GPC5: variants seen among roughly 807,000 people sequenced by gnomAD.
The protein encoded by GPC5 is glypican 5, also known as glypican-5.
In GPC5, 47 loss-of-function variants were observed where a neutral mutation model predicts 53.9. The observed-to-expected ratio is 0.87, with a 90% CI of 0.69 to 1.11. The LOEUF (loss-of-function observed/expected upper bound fraction) is 1.11. Ranked by LOEUF, GPC5 falls within the 50% of genes most tolerant of loss-of-function variation. The pLI is 0.00. For missense variants in GPC5, 748 were observed against 713.1 expected, an observed-to-expected ratio of 1.05 and a Z score of -0.56; for synonymous variants, 286 against 263.3, an observed-to-expected ratio of 1.09 and a Z score of -0.84.
intron 7 of GPC5, among the ~76,000 whole-genome samples, chr13:92,685,087 C>CTATTTATTTATTTATT (rs57486972): frequency 0.028 from 4,193 of 150,590 alleles, 191 homozygotes; most frequent in African/African-American, 0.085. Context: ...TCCAGTAGTT[C>CTATTTATTTATTTATT]TATTTATTTA....
intron 7 of GPC5, among the ~76,000 whole-genome samples, chr13:92,716,133 C>T (rs138705951): frequency 1.7e-4 from 26 of 152,264 alleles, no homozygotes; most frequent in Middle Eastern, 6.8e-3. Context: ...ATCATTCCAT[C>T]TCTATTATAA....
intron 7 of GPC5, among the ~76,000 whole-genome samples, chr13:92,862,242 G>A (rs1490295090): frequency 1.3e-5 from 2 of 151,960 alleles, no homozygotes; most frequent in Non-Finnish European, 2.9e-5. Context: ...TTAGAATAAG[G>A]GGAAATAATT....
intron 7 of GPC5, among the ~76,000 whole-genome samples, chr13:92,779,937 T>C (rs780746032): frequency 2.0e-4 from 30 of 152,124 alleles, no homozygotes; most frequent in Non-Finnish European, 3.2e-4. Flanking sequence ...GGATAATCTA[T>C]TTTGCCAAAG....
chr13:92,741,014 A>C (rs534608161), intron 7 of GPC5, among the ~76,000 whole-genome samples: 1 of 145,164 alleles, frequency 6.9e-6, no homozygotes, highest in South Asian at 2.3e-4. Context: ...GTCTCTACTT[A>C]TTTACATTTC....
At position 91,853,443 on chromosome 13, in the gene GPC5, C is replaced by T. The variant is rs187565730; in HGVS notation, c.1281-54494C>T. Among the ~76,000 whole-genome samples, 448 of 151,952 alleles carry T rather than the reference C, an allele frequency of 2.9e-3. 1 individual carries two copies. The highest frequency in any genetic ancestry group is 4.7e-3 in the Non-Finnish European group (316 of 67,890). Reference sequence around the variant, plus strand: ...ACATCTTAGAAAAGTGATTACTCTGCCCTTATACCAAGACACAATAAGACT... The same window carrying T: ...ACATCTTAGAAAAGTGATTACTCTGTCCTTATACCAAGACACAATAAGACT... On this transcript the variant is annotated intron_variant, in intron 5 of 7. Coordinates refer to ENST00000377067, the MANE Select transcript of GPC5 (RefSeq NM_004466.6).
At chr13:92,579,834 T>TTC (rs150864096) in intron 7 of GPC5, among the ~76,000 whole-genome samples, 35 of 151,000 alleles carry the variant, frequency 2.3e-4, no homozygotes, top group South Asian at 4.2e-4. Flanking sequence ...CCTATAAGGT[T>TTC]TCTCTCTCTC....
chr13:91,624,689 A>G (rs2033953459), intron 2 of GPC5, among the ~76,000 whole-genome samples: 1 of 152,030 alleles, frequency 6.6e-6, no homozygotes, highest in Non-Finnish European at 1.5e-5. Flanking sequence ...ATGTTTTATC[A>G]TAATAAAATA....
intron 7 of GPC5, among the ~76,000 whole-genome samples, chr13:92,849,054 CTTG>C (rs1878705113): frequency 6.6e-6 from 1 of 152,008 alleles, no homozygotes; most frequent in Non-Finnish European, 1.5e-5. Context: ...TTCATAAGAT[CTTG>C]TTGACCCAAG....
rs9561169 is a variant in GPC5 at position 92,824,216 on chromosome 13, T to C, written c.1562-42066T>C. The stretch of plus-strand genomic sequence containing the variant: ...GTCTACACACTGCCCTCATTCCACC[T>C]ACCTAGTCAGTACTAGTCACCCCTG... On this transcript the variant is annotated intron_variant, in intron 7 of 7. Coordinates refer to ENST00000377067, the MANE Select transcript of GPC5 (RefSeq NM_004466.6). 0.025 allele frequency among the ~76,000 whole-genome samples: 3,843 copies of C among 152,146 alleles called. 380 individuals carry two copies. The East Asian group carries it at 0.32, about 13-fold the overall frequency.
chr13:91,660,238 A>G (rs941657165), intron 2 of GPC5, among the ~76,000 whole-genome samples: 7 of 152,118 alleles, frequency 4.6e-5, no homozygotes, highest in African/African-American at 1.4e-4. Flanking sequence ...GACTTCCTGG[A>G]TGGTTTGCTG....
intron 1 of GPC5, among the ~76,000 whole-genome samples, chr13:91,446,788 C>T (rs1280975743): frequency 6.6e-6 from 1 of 152,174 alleles, no homozygotes; most frequent in African/African-American, 2.4e-5. Context: ...TTTCCCTTTT[C>T]ACTGTGACCC....
At chr13:92,256,215 A>G (rs2042724993) in intron 7 of GPC5, among the ~76,000 whole-genome samples, 3 of 151,898 alleles carry the variant, frequency 2.0e-5, no homozygotes, top group Admixed American at 1.3e-4. Context: ...TTACTGACAC[A>G]TGGAAGACAC....
At chr13:91,799,523 A>G (rs1327554579) in intron 5 of GPC5, among the ~76,000 whole-genome samples, 1 of 151,762 alleles carries the variant, frequency 6.6e-6, no homozygotes, top group Admixed American at 6.6e-5. Flanking sequence ...AAATTTCAAA[A>G]TTTATTTACC....
chr13:92,075,027 C>T (rs1279148176), intron 6 of GPC5, among the ~76,000 whole-genome samples: 1 of 152,132 alleles, frequency 6.6e-6, no homozygotes, highest in African/African-American at 2.4e-5. Context: ...TCATGATTCT[C>T]ATAGGTTATA....
chr13:92,303,851 G>T (rs151214225), intron 7 of GPC5, among the ~76,000 whole-genome samples: 1 of 152,328 alleles, frequency 6.6e-6, no homozygotes, highest in African/African-American at 2.4e-5. Flanking sequence ...CCTGGGACCA[G>T]AACAGTTAGC....
intron 7 of GPC5, chr13:92,447,487 G>A (rs529588967): frequency 6.6e-6 from 1 of 151,690 alleles, no homozygotes; most frequent in Non-Finnish European, 1.5e-5. Flanking sequence ...TTTTTAGTAG[G>A]GATATATTAC....
At chr13:92,017,015 G>A (rs1191995377) in intron 6 of GPC5, among the ~76,000 whole-genome samples, 1 of 152,098 alleles carries the variant, frequency 6.6e-6, no homozygotes, top group East Asian at 1.9e-4. Flanking sequence ...AGCAGAGAGG[G>A]GAACAATGGC....
At chr13:92,267,958 GTC>G (rs2042813794) in intron 7 of GPC5, among the ~76,000 whole-genome samples, 1 of 151,962 alleles carries the variant, frequency 6.6e-6, no homozygotes, top group Non-Finnish European at 1.5e-5. Flanking sequence ...TATATTTTTA[GTC>G]TAATAGTGCC....
intron 5 of GPC5, among the ~76,000 whole-genome samples, chr13:91,868,778 G>C (rs960437013): frequency 2.6e-5 from 4 of 152,032 alleles, no homozygotes; most frequent in Non-Finnish European, 5.9e-5. Flanking sequence ...AGGGGAAGTG[G>C]GGTATTTATG....
Sources: gnomAD v4.1 joint callset for allele counts (sites outside exome capture counted in the v4.1 genomes callset) on GRCh38, gnomAD v4.1.1 for gene constraint, MANE v1.5 for transcripts, NCBI Gene and HGNC (gene_info 2026-07-23, HGNC 2026-07-21) for gene names.